The following MCTP1 variants were observed in gnomAD, a reference collection of about 807,000 sequenced individuals.
The protein encoded by MCTP1 is multiple C2 and transmembrane domain containing 1.
MCTP1 carries 69 observed loss-of-function variants against 120.6 expected under a neutral mutation model. The ratio of observed to expected loss-of-function variants is 0.57; its 90% CI spans 0.47 to 0.70. MCTP1 has a LOEUF of 0.70. Among genes scored for constraint, MCTP1 ranks in the 30% least tolerant of loss-of-function variants. MCTP1 has a pLI of 0.00. For synonymous variants in MCTP1, 529 were observed against 493.1 expected (o/e 1.07, Z -0.96); for missense variants, 1,203 against 1,248.8 (o/e 0.96, Z 0.55).
Position 94,870,317 on chromosome 5 carries a change from T to TC in MCTP1, c.2316+99_2316+100insG. 1.0e-5 allele frequency: 7 copies of TC among 702,240 alleles called. No homozygotes were observed. The South Asian group carries it at 1.5e-4, about 15-fold the overall frequency. The allele number at this position is 702,240 out of a possible 1,614,324, so 43.5% of individuals were successfully genotyped here. A position where few individuals can be genotyped will look rare whatever the true frequency, so the allele number is the denominator to read the frequency against. On this transcript the variant is annotated intron_variant, in intron 16 of 22. Transcript: ENST00000515393. ...AAGTAGATGATCAAAAATTCCAGTC[T>TC]TCCCCCCTCCATACCTTTAAAGTTT...
intron 2 of MCTP1, among the ~76,000 whole-genome samples, chr5:94,962,443 C>A (rs2347475): frequency 6.7e-6 from 1 of 149,054 alleles, no homozygotes; most frequent in African/African-American, 2.5e-5. Flanking sequence ...ATATATATAT[C>A]ATATATTGTA....
intron 19 of MCTP1, among the ~76,000 whole-genome samples, chr5:94,759,012 T>C (rs1458470171): frequency 1.3e-5 from 2 of 152,210 alleles, no homozygotes; most frequent in African/African-American, 4.8e-5. Flanking sequence ...TACTTTCAAC[T>C]TATAGTACAT....
rs60502360 is a variant in MCTP1 at position 94,928,209 on chromosome 5, A to AACACACACACACACAC, written c.1212+3728_1212+3743dup. On this transcript the variant is annotated intron_variant, in intron 6 of 22. Coordinates refer to ENST00000515393, the MANE Select transcript of MCTP1 (RefSeq NM_024717.7). ...TGGTAAATTCATTATTCTAGGTTAAAACACACACACACACACACACACACA... is the reference window on the plus strand; with the variant it reads ...TGGTAAATTCATTATTCTAGGTTAAAACACACACACACACACACACACACACACACACACACACACA... Among the ~76,000 whole-genome samples, 652 of 148,530 alleles carry AACACACACACACACAC rather than the reference A, an allele frequency of 4.4e-3. 4 individuals are homozygous for AACACACACACACACAC. Among genetic ancestry groups the AACACACACACACACAC allele is most frequent in the African/African-American group, 0.01 (405 of 40,172 alleles).
At chr5:95,179,802 A>G (rs1425878383) in intron 1 of MCTP1, among the ~76,000 whole-genome samples, 1 of 152,222 alleles carries the variant, frequency 6.6e-6, no homozygotes, top group Non-Finnish European at 1.5e-5. Flanking sequence ...GGCAACAAAT[A>G]GCACAATAAA....
intron 19 of MCTP1, among the ~76,000 whole-genome samples, chr5:94,758,853 A>T (rs1770600291): frequency 6.6e-6 from 1 of 152,230 alleles, no homozygotes. Context: ...CATGACTTGT[A>T]GAATAGGAAA....
intron 2 of MCTP1, among the ~76,000 whole-genome samples, chr5:94,996,880 A>G (rs1348631691): frequency 6.6e-6 from 1 of 152,180 alleles, no homozygotes; most frequent in Non-Finnish European, 1.5e-5. Flanking sequence ...TTATTTAAAA[A>G]AATAAGCAAA....
chr5:95,217,077 G>A (rs1030457120), intron 1 of MCTP1, among the ~76,000 whole-genome samples: 2 of 152,136 alleles, frequency 1.3e-5, no homozygotes, highest in African/African-American at 4.8e-5. Context: ...AAAGCAACAA[G>A]ACAGACTCAC....
chr5:94,808,558 A>C (rs1782813140), intron 17 of MCTP1, among the ~76,000 whole-genome samples: 1 of 152,176 alleles, frequency 6.6e-6, no homozygotes. Context: ...AATTAGAATG[A>C]AAATTGCTTT....
At chr5:95,253,567 A>G (rs775645042) in intron 1 of MCTP1, among the ~76,000 whole-genome samples, 1 of 152,044 alleles carries the variant, frequency 6.6e-6, no homozygotes, top group Non-Finnish European at 1.5e-5. Flanking sequence ...CTCTTTCCCG[A>G]TGAAAATGTA....
At chr5:94,998,251 C>T (rs1395641218) in intron 2 of MCTP1, among the ~76,000 whole-genome samples, 1 of 152,066 alleles carries the variant, frequency 6.6e-6, no homozygotes, top group African/African-American at 2.4e-5. Context: ...ACTAAAATTG[C>T]TAAACTATTT....
chr5:94,922,997 CAAAAAAA>C (rs202245253), intron 7 of MCTP1, among the ~76,000 whole-genome samples: 30 of 99,546 alleles, frequency 3.0e-4, no homozygotes, highest in African/African-American at 9.7e-4. Flanking sequence ...TAAAAAGCTG[CAAAAAAA>C]AAAAAAAAAA....
chr5:94,751,692 A>C (rs963274726), intron 19 of MCTP1, among the ~76,000 whole-genome samples: 1 of 152,146 alleles, frequency 6.6e-6, no homozygotes, highest in Non-Finnish European at 1.5e-5. Flanking sequence ...GAGTGTCAGC[A>C]AAGCAGAGCC....
In MCTP1 at chr5:94,936,791, T is replaced by C. The variant is rs116788225; in HGVS notation, c.1173+3293A>G. On this transcript the variant is annotated intron_variant, in intron 5 of 22. Transcript: ENST00000515393. ...TATGTGTTTTTGGGCATTTTCATAA[T>C]GTAGAGCATATGTTTAGAAACCCAG... is the stretch of plus-strand genomic sequence containing the variant. Among the ~76,000 whole-genome samples the C allele has an allele frequency of 5.0e-3, 764 of 152,134 alleles. 4 individuals carry two copies. The highest frequency in any genetic ancestry group is 0.017 in the South Asian group (81 of 4,814).
chr5:95,042,575 AT>A (rs923063939), intron 1 of MCTP1, among the ~76,000 whole-genome samples: 1 of 152,242 alleles, frequency 6.6e-6, no homozygotes, highest in Non-Finnish European at 1.5e-5. Context: ...TTTCTTTGAA[AT>A]ACATGCATTG....
intron 1 of MCTP1, among the ~76,000 whole-genome samples, chr5:95,083,979 G>A (rs1407765775): frequency 6.6e-6 from 1 of 152,086 alleles, no homozygotes; most frequent in African/African-American, 2.4e-5. Flanking sequence ...ATGTTAAGCA[G>A]AAATAACATA....
chr5:94,745,416 T>A (rs1278496654), intron 19 of MCTP1, among the ~76,000 whole-genome samples: 3 of 152,206 alleles, frequency 2.0e-5, no homozygotes, highest in Non-Finnish European at 4.4e-5. Flanking sequence ...GGAGGAGGCA[T>A]GTGTAATACA....
At chr5:95,230,086 G>T (rs1754745840) in intron 1 of MCTP1, among the ~76,000 whole-genome samples, 2 of 151,878 alleles carry the variant, frequency 1.3e-5, no homozygotes, top group Non-Finnish European at 2.9e-5. Context: ...AAAGAGGAAG[G>T]TACCTTTCTT....
chr5:94,775,589 A>G (rs1396298427), intron 19 of MCTP1, among the ~76,000 whole-genome samples: 10 of 152,232 alleles, frequency 6.6e-5, no homozygotes, highest in Non-Finnish European at 1.3e-4. Context: ...AGAATGCTCT[A>G]TAACAAAGGG....
At chr5:94,998,307 T>C (rs1397579938) in intron 2 of MCTP1, among the ~76,000 whole-genome samples, 1 of 152,176 alleles carries the variant, frequency 6.6e-6, no homozygotes, top group African/African-American at 2.4e-5. Context: ...ACAGAGGAGA[T>C]GGACTATCTA....
Sources: gnomAD v4.1 joint callset for allele counts (sites outside exome capture counted in the v4.1 genomes callset) on GRCh38, gnomAD v4.1.1 for gene constraint, MANE v1.5 for transcripts, NCBI Gene and HGNC (gene_info 2026-07-23, HGNC 2026-07-21) for gene names.